The following ADAMTS6 variants were observed in gnomAD, a reference collection of about 807,000 sequenced individuals.
ADAMTS6 encodes the protein A disintegrin and metalloproteinase with thrombospondin motifs 6.
ADAMTS6 carries 23 observed loss-of-function variants against 144.3 expected under a neutral mutation model. That is an observed-to-expected ratio of 0.16 (90% CI 0.11 to 0.23). The LOEUF (loss-of-function observed/expected upper bound fraction) is 0.23. ADAMTS6 is among the 10% of genes least tolerant of loss of function. ADAMTS6 has a pLI of 1.00. For missense variants in ADAMTS6, 999 were observed against 1,379.6 expected (o/e 0.72, Z 4.37); for synonymous variants, 444 against 457.5 (o/e 0.97, Z 0.38).
chr5:65,448,467 CT>C (rs34477699), intron 7 of ADAMTS6, among the ~76,000 whole-genome samples: 88,522 of 146,630 alleles, frequency 0.6, 28,013 homozygotes, highest in African/African-American at 0.83. Context: ...CTCTGGCATT[CT>C]TTTTTTTTTT....
rs972501118 is a variant in ADAMTS6, at chr5:65,251,306, A to C, written c.1831-9100T>G. ...TTTATCTCTATGTGCAAAAACGAGA[A>C]CTGTGTCAGTCAATGAACTCTCAAG... On this transcript the variant is annotated intron_variant, in intron 14 of 24. Transcript: ENST00000381055. 6 of 152,412 alleles carry C rather than the reference A, an allele frequency of 3.9e-5. 1 individual carries two copies. The highest frequency in any genetic ancestry group is 1.4e-4 in the African/African-American group (6 of 41,570). The allele number at this position is 152,412 out of a possible 1,614,324, so 9.4% of individuals were successfully genotyped here.
rs192062859 is a variant in ADAMTS6 at position 65,348,534 on chromosome 5, T to C, written c.1074-14449A>G. ...GAAGGGAATGGGGAGATATTGATTA[T>C]AGCATACAAGGTTTCACTTAGGAGG... is the stretch of plus-strand genomic sequence containing the variant. On this transcript the variant is annotated intron_variant, in intron 7 of 24. Transcript: ENST00000381055. Among the ~76,000 whole-genome samples the C allele has an allele frequency of 3.3e-5, 5 of 152,206 alleles. No homozygotes were observed. In the East Asian group the frequency reaches 7.7e-4, roughly 23 times the overall value.
intron 7 of ADAMTS6, among the ~76,000 whole-genome samples, chr5:65,383,989 A>G (rs1223959669): frequency 6.6e-6 from 1 of 152,198 alleles, no homozygotes; most frequent in African/African-American, 2.4e-5. Context: ...AAATCTGTGA[A>G]GGAGCACTGC....
rs1249283280 is a variant in ADAMTS6, at chr5:65,425,767, CTTT to C, written c.1073+25705_1073+25707del. ...TGCATGACTTCAAGTAGTGCTGCTT[CTTT>C]TTTTTTTTTTTGAGACGGAGTCTCA... is the stretch of plus-strand genomic sequence containing the variant. On this transcript the variant is annotated intron_variant, in intron 7 of 24. Coordinates refer to ENST00000381055, the MANE Select transcript of ADAMTS6 (RefSeq NM_197941.4). Among the ~76,000 whole-genome samples the C allele has an allele frequency of 4.2e-5, 6 of 143,950 alleles. No homozygotes were observed. In the South Asian group the frequency reaches 8.8e-4, roughly 21 times the overall value. 94.4% of individuals were successfully genotyped at this position (143,950 alleles called of 152,430 possible).
intron 10 of ADAMTS6, among the ~76,000 whole-genome samples, chr5:65,292,497 G>A (rs78693916): frequency 0.049 from 7,396 of 150,972 alleles, 594 homozygotes; most frequent in African/African-American, 0.17. Flanking sequence ...TTCATTTATA[G>A]ATAACTAAGA....
chr5:65,337,955 T>C (rs1394645071), intron 7 of ADAMTS6, among the ~76,000 whole-genome samples: 1 of 152,186 alleles, frequency 6.6e-6, no homozygotes, highest in Non-Finnish European at 1.5e-5. Context: ...GGAATTCTAA[T>C]TGCTTACTCT....
intron 10 of ADAMTS6, among the ~76,000 whole-genome samples, chr5:65,295,945 C>T (rs565492650): frequency 2.0e-5 from 3 of 152,034 alleles, no homozygotes; most frequent in Non-Finnish European, 2.9e-5. Context: ...AGTTACAGTT[C>T]GGTCATCAGC....
chr5:65,228,785 C>T (rs761320618), intron 15 of ADAMTS6, among the ~76,000 whole-genome samples: 22 of 152,312 alleles, frequency 1.4e-4, no homozygotes, highest in Admixed American at 3.3e-4. Context: ...CTGTGTGGGA[C>T]GCTGCCCAAG....
intron 9 of ADAMTS6, among the ~76,000 whole-genome samples, chr5:65,326,912 T>C (rs1746225825): frequency 6.6e-6 from 1 of 152,144 alleles, no homozygotes; most frequent in South Asian, 2.1e-4. Flanking sequence ...GACCAAATAA[T>C]AATTTGACAT....
intron 3 of ADAMTS6, among the ~76,000 whole-genome samples, chr5:65,469,277 A>G (rs1760252496): frequency 6.6e-6 from 1 of 152,144 alleles, no homozygotes; most frequent in Admixed American, 6.5e-5. Flanking sequence ...ATTGTCTCCT[A>G]CATGTTCTAA....
rs200326456 is a variant in ADAMTS6, at chr5:65,176,126, A to G, written c.2911-3118T>C. Among the ~76,000 whole-genome samples, 88 of 151,134 alleles carry G rather than the reference A, an allele frequency of 5.8e-4. 1 individual carries two copies. In the Middle Eastern group the frequency reaches 0.01, roughly 18 times the overall value. On this transcript the variant is annotated intron_variant, in intron 22 of 24. Coordinates refer to ENST00000381055, the MANE Select transcript of ADAMTS6 (RefSeq NM_197941.4). ...ATCTTCGGAAAAAAAAGGGAAAAAA[A>G]GGGGGGGGCAGAATTTATGTAAAAA...
intron 7 of ADAMTS6, among the ~76,000 whole-genome samples, chr5:65,405,580 G>C (rs909798486): frequency 2.0e-5 from 3 of 152,184 alleles, no homozygotes; most frequent in Non-Finnish European, 2.9e-5. Flanking sequence ...CAGGTAGTGT[G>C]ATGCCTCCAG....
rs184715311 is a variant in ADAMTS6, at chr5:65,276,291, C to T, written c.1513-2844G>A. 6.0e-4 allele frequency among the ~76,000 whole-genome samples: 91 copies of T among 152,128 alleles called. No homozygotes were observed. In the Middle Eastern group the frequency reaches 0.014, roughly 23 times the overall value. On this transcript the variant is annotated intron_variant, in intron 11 of 24. Transcript: ENST00000381055. ...CTCCTGGGGATTCAAATTTTGTTAC[C>T]ATATTAACTTCTCTTTTACAGTAAA...
At chr5:65,263,009 A>G (rs1205425731) in intron 12 of ADAMTS6, 47 bp from the exon 13 acceptor site, 3 of 1,611,534 alleles carry the variant, frequency 1.9e-6, no homozygotes, top group Admixed American at 1.7e-5. Flanking sequence ...AGGCAGATAG[A>G]GCTATCAGGA....
At chr5:65,273,933 T>C (rs1369315497) in intron 11 of ADAMTS6, among the ~76,000 whole-genome samples, 1 of 152,190 alleles carries the variant, frequency 6.6e-6, no homozygotes, top group Non-Finnish European at 1.5e-5. Flanking sequence ...AATGTATGAA[T>C]TTTTTAAATT....
chr5:65,281,261 C>A (rs907903315), intron 11 of ADAMTS6, among the ~76,000 whole-genome samples: 1 of 152,162 alleles, frequency 6.6e-6, no homozygotes, highest in African/African-American at 2.4e-5. Context: ...TTTCCCATTT[C>A]TCTTAAATGT....
At position 65,473,612 on chromosome 5, in the gene ADAMTS6, A is replaced by G; in HGVS notation, c.62T>C (p.Phe21Ser). ...ILSLIMASSE[F>S]HSDHRLSYSS... ...GTATGAAAGCCTGTGGTCACTATGA[A>G]ATTCCGATGAAGCCATGATGAGGCT... is the stretch of plus-strand genomic sequence containing the variant. The change falls in exon 2 of 25, where the codon TTT becomes TCT. Residue 21 changes from phenylalanine to serine, a missense_variant. Transcript: ENST00000381055. 6.2e-7 allele frequency: 1 copy of G among 1,613,814 alleles called. No individual in the cohort carries two copies. Among genetic ancestry groups the G allele is most frequent in the Non-Finnish European group, 8.5e-7 (1 of 1,179,746 alleles).
intron 7 of ADAMTS6, among the ~76,000 whole-genome samples, chr5:65,445,570 G>A (rs1037964438): frequency 1.3e-5 from 2 of 152,188 alleles, no homozygotes; most frequent in South Asian, 2.1e-4. Context: ...TTGAACTCCC[G>A]ACCTCAAGTA....
At chr5:65,223,433 T>C (rs954959070) in intron 18 of ADAMTS6, among the ~76,000 whole-genome samples, 8 of 152,224 alleles carry the variant, frequency 5.3e-5, no homozygotes, top group African/African-American at 1.7e-4. Flanking sequence ...TTATTCCTCT[T>C]ATAACTGAAA....
Sources: allele counts gnomAD v4.1 joint callset (sites outside exome capture counted in the v4.1 genomes callset), GRCh38; gene constraint gnomAD v4.1.1; transcripts MANE v1.5; gene names NCBI Gene and HGNC (gene_info 2026-07-23, HGNC 2026-07-21).